The following GGNBP2 variants were observed in gnomAD, a reference collection of about 807,000 sequenced individuals.
GGNBP2 encodes gametogenetin binding protein 2.
In GGNBP2, 10 loss-of-function variants were observed where a neutral mutation model predicts 85.9. The ratio of observed to expected loss-of-function variants is 0.12; its 90% confidence interval spans 0.07 to 0.20. The LOEUF (loss-of-function observed/expected upper bound fraction) is 0.20, where lower values mean the gene tolerates loss of function less well. GGNBP2 is among the 10% of genes least tolerant of loss of function. The pLI is 1.00. For synonymous variants in GGNBP2, 287 were observed against 285.7 expected, an observed-to-expected ratio of 1.00 and a Z score of -0.05; for missense variants, 595 against 857.8, an observed-to-expected ratio of 0.69 and a Z score of 3.83.
rs2074735802 is a variant in GGNBP2, at chr17:36,589,403, G to A, written c.2086G>A (p.Ala696Thr). The A allele has an allele frequency of 6.2e-7, 1 of 1,610,286 alleles. No homozygotes were observed. The highest frequency in any genetic ancestry group is 8.5e-7 in the Non-Finnish European group (1 of 1,176,966). ...ICSGWLTTAG[A>T]N ...TAGTGGCTGGTTGACAACGGCTGGA[G>A]CAAATTAAATAAATAAAATAGCTCT... The change falls in exon 14 of 14, where the codon GCA becomes ACA. Residue 696 changes from alanine (A) to threonine (T), a missense_variant. Around this residue, in one of 9 missense-constraint regions of GGNBP2, gnomAD observed 26 missense variants for 26.9 expected, o/e 0.97. Transcript: ENST00000613102.
chr17:36,566,815 G>A (rs757198130), intron 5 of GGNBP2, among the ~76,000 whole-genome samples: 4 of 151,952 alleles, frequency 2.6e-5, no homozygotes, highest in Non-Finnish European at 5.9e-5. Flanking sequence ...ACTTATACAT[G>A]TGAAGGTAGA....
chr17:36,586,477 C>T (rs753447467), intron 12 of GGNBP2: 77 of 413,296 alleles, frequency 1.9e-4, no homozygotes, highest in Non-Finnish European at 2.9e-4. Context: ...TTGTTTAGTC[C>T]CTATCATATT....
chr17:36,582,873 AC>A (rs2074664542), intron 9 of GGNBP2, among the ~76,000 whole-genome samples: 1 of 152,184 alleles, frequency 6.6e-6, no homozygotes, highest in Non-Finnish European at 1.5e-5. Flanking sequence ...GGTTATACTT[AC>A]CAATATTTAC....
chr17:36,579,208 G>A (rs1488246190), intron 7 of GGNBP2, 37 bp from the exon 8 acceptor site: 5 of 1,568,920 alleles, frequency 3.2e-6, no homozygotes, highest in African/African-American at 2.7e-5. Context: ...TACTGTTTCA[G>A]TTAAAGGTAT....
At chr17:36,550,200 AGTG>A (rs1399521990) in intron 2 of GGNBP2, among the ~76,000 whole-genome samples, 2 of 152,116 alleles carry the variant, frequency 1.3e-5, no homozygotes, top group African/African-American at 4.8e-5. Flanking sequence ...GGCCTCCCAA[AGTG>A]GTGGGATTAC....
intron 1 of GGNBP2, 171 bp from the exon 2 acceptor site, chr17:36,545,448 G>C (rs1355360247): frequency 5.4e-6 from 2 of 373,258 alleles, no homozygotes; most frequent in Admixed American, 4.9e-5. Context: ...CGCGGCGCGA[G>C]GGGGGCGGGT....
At chr17:36,576,721 G>T (rs2142763765) in intron 6 of GGNBP2, 1 of 148,530 alleles carries the variant, frequency 6.7e-6, no homozygotes, top group South Asian at 2.1e-4. Context: ...AGAGGGAATT[G>T]AAAATAGGGA....
At chr17:36,554,374 T>A (rs2074340937) in intron 2 of GGNBP2, among the ~76,000 whole-genome samples, 1 of 129,504 alleles carries the variant, frequency 7.7e-6, no homozygotes, top group East Asian at 2.2e-4. Flanking sequence ...TTTTTTTTTT[T>A]TTTTTTTTTT....
Position 36,545,013 on chromosome 17 carries a change from G to A in GGNBP2, c.-191G>A, listed in dbSNP as rs1345737132. On this transcript the variant is annotated 5_prime_UTR_variant, in exon 1 of 14. Coordinates refer to ENST00000613102, the MANE Select transcript of GGNBP2 (RefSeq NM_024835.5). The stretch of plus-strand genomic sequence containing the variant: ...GCCGGCCCTGACGCGGGCCTCGTCA[G>A]CCAGTAACAGGGAGCAGAGGTGGGA... 1.3e-5 allele frequency: 2 copies of A among 152,930 alleles called. No individual in the cohort carries two copies. The highest frequency in any genetic ancestry group is 1.3e-4 in the Admixed American group (2 of 15,290). The allele number at this position is 152,930 out of a possible 1,614,324, so 9.5% of individuals were successfully genotyped here. A position where few individuals can be genotyped will look rare whatever the true frequency, so the allele number is the denominator to read the frequency against.
At chr17:36,574,739 C>A in intron 6 of GGNBP2, 1 of 627,940 alleles carries the variant, frequency 1.6e-6, no homozygotes, top group Non-Finnish European at 2.8e-6. Context: ...GATGCCAGTG[C>A]CTCTGGGCGT....
chr17:36,579,171 G>A, intron 7 of GGNBP2, 74 bp from the exon 8 acceptor site: 1 of 1,311,930 alleles, frequency 7.6e-7, no homozygotes. Context: ...TTTAAAACCT[G>A]AACTTGCAGC....
At chr17:36,576,595 A>ATATATGTGTGTGTG (rs748348633) in intron 6 of GGNBP2, 4 of 51,494 alleles carry the variant, frequency 7.8e-5, no homozygotes, top group Non-Finnish European at 1.3e-4. Flanking sequence ...ATATATATAT[A>ATATATGTGTGTGTG]TGTGTGTGTG....
chr17:36,575,230 G>A, intron 6 of GGNBP2: 1 of 634,700 alleles, frequency 1.6e-6, no homozygotes, highest in South Asian at 1.6e-5. Context: ...CCCAGCCCCG[G>A]CCCCGGATGC....
At chr17:36,563,787 G>T (rs2074443117) in intron 5 of GGNBP2, among the ~76,000 whole-genome samples, 3 of 142,238 alleles carry the variant, frequency 2.1e-5, no homozygotes, top group African/African-American at 5.2e-5. Flanking sequence ...CCTGTCACCC[G>T]GGCTAGAGTG....
intron 6 of GGNBP2, among the ~76,000 whole-genome samples, chr17:36,569,935 A>C (rs2074506611): frequency 6.6e-6 from 1 of 152,210 alleles, no homozygotes; most frequent in Admixed American, 6.5e-5. Flanking sequence ...TTTTACAGAT[A>C]TCTTAACGGT....
intron 3 of GGNBP2, among the ~76,000 whole-genome samples, chr17:36,555,291 T>C (rs989407511): frequency 1.3e-5 from 2 of 152,238 alleles, no homozygotes; most frequent in Non-Finnish European, 2.9e-5. Context: ...CTGAGAAATA[T>C]AGTGCTTTAT....
chr17:36,568,399 C>T (rs554590727), intron 6 of GGNBP2, among the ~76,000 whole-genome samples: 1 of 151,870 alleles, frequency 6.6e-6, no homozygotes, highest in African/African-American at 2.4e-5. Flanking sequence ...CGCGTTCCAG[C>T]GGTTCTCCTG....
intron 6 of GGNBP2, among the ~76,000 whole-genome samples, chr17:36,570,853 C>G: frequency 6.6e-6 from 1 of 151,954 alleles, no homozygotes; most frequent in Non-Finnish European, 1.5e-5. Flanking sequence ...AAACCCCTCT[C>G]TACTGAAAAT....
chr17:36,569,526 T>G (rs1457086577), intron 6 of GGNBP2, among the ~76,000 whole-genome samples: 1 of 152,250 alleles, frequency 6.6e-6, no homozygotes, highest in Non-Finnish European at 1.5e-5. Flanking sequence ...TTGAGGCAGA[T>G]ATACACAATT....
Sources: allele counts gnomAD v4.1 joint callset (sites outside exome capture counted in the v4.1 genomes callset), GRCh38; gene constraint gnomAD v4.1.1; regional missense constraint gnomAD v4.1.1; transcripts MANE v1.5; gene names NCBI Gene and HGNC (gene_info 2026-07-23, HGNC 2026-07-21).